TNFAIP8L2: variants seen among roughly 807,000 people sequenced by gnomAD.
TNFAIP8L2 encodes the protein tumor necrosis factor alpha-induced protein 8-like protein 2.
Under a neutral mutation model 5.6 loss-of-function variants are expected in TNFAIP8L2, and 2 were observed. The ratio of observed to expected loss-of-function variants is 0.36; its 90% CI spans 0.15 to 1.13. TNFAIP8L2 has a LOEUF of 1.13. Among genes scored for constraint, TNFAIP8L2 ranks in the 50% most tolerant of loss-of-function variants. The pLI, the probability that TNFAIP8L2 is intolerant of heterozygous loss-of-function variation, is 0.40. For missense variants in TNFAIP8L2, 216 were observed against 241.8 expected, an observed-to-expected ratio of 0.89 and a Z score of 0.71; for synonymous variants, 91 against 101.1, an observed-to-expected ratio of 0.90 and a Z score of 0.60.
rs1683235251 is a variant in TNFAIP8L2, at chr1:151,156,741, C to T, written c.-33+19C>T. 1 of 152,256 alleles carries T rather than the reference C, an allele frequency of 6.6e-6. No homozygotes were observed. The highest frequency in any genetic ancestry group is 1.5e-5 in the Non-Finnish European group (1 of 68,068). 9.4% of individuals were successfully genotyped at this position (152,256 alleles called of 1,614,324 possible). A position where few individuals can be genotyped will look rare whatever the true frequency, so the allele number is the denominator to read the frequency against. On this transcript the variant is annotated intron_variant, in intron 1 of 1. Coordinates refer to ENST00000368910, the MANE Select transcript of TNFAIP8L2 (RefSeq NM_024575.5). ...ACAGCAGGTGAGGGACCGGCAGTGA[C>T]AGAATGGTAGACTTTAGGGGTAATG...
chr1:151,159,105 G>C lies in TNFAIP8L2; in HGVS notation c.408G>C (p.Thr136=). 6.2e-7 allele frequency: 1 copy of C among 1,614,078 alleles called. No individual in the cohort carries two copies. Among genetic ancestry groups the C allele is most frequent in the Non-Finnish European group, 8.5e-7 (1 of 1,180,046 alleles). The change falls in exon 2 of 2, where the codon ACG becomes ACC. Residue 136 remains threonine, a synonymous_variant. Transcript: ENST00000368910. ...TAGAGTTGGTGGAACACCACCTCAC[G>C]CCCAAGTCACATGGCCGCATCCGCC... The part of the protein sequence containing the change: ...VLLELVEHHL[T]PKSHGRIRHV...
Position 151,157,781 on chromosome 1 carries a change from A to T in TNFAIP8L2, c.-32-885A>T, listed in dbSNP as rs77703424. Among the ~76,000 whole-genome samples the T allele has an allele frequency of 1.5e-3, 235 of 152,352 alleles. 1 individual carries two copies. Among genetic ancestry groups the T allele is most frequent in the Admixed American group, 6.5e-3 (100 of 15,304 alleles). ...AAGATGACTGACGTAAAGCACTTGC[A>T]TATAGTAGGTTCTCAGTAAATGTTA... On this transcript the variant is annotated intron_variant, in intron 1 of 1. Transcript: ENST00000368910.
At position 151,159,049 on chromosome 1, in the gene TNFAIP8L2, G is replaced by A. The variant is rs1201824819; in HGVS notation, c.352G>A (p.Gly118Ser). Residue 118 changes from glycine (G) to serine (S), a missense_variant, in exon 2 of 2, where the codon GGC becomes AGC. Physicochemically the swap from Gly to Ser is moderately conservative, Grantham distance 56. Transcript: ENST00000368910. ...DFTFEAAVLA[G>S]LLTECRDVLL... is the part of the protein sequence containing the mutation. ...CACCTTCGAGGCTGCTGTTCTGGCT[G>A]GCCTGCTGACCGAGTGCCGGGATGT... The A allele has an allele frequency of 1.2e-6, 2 of 1,614,218 alleles. No individual in the cohort carries two copies. The highest frequency in any genetic ancestry group is 1.3e-5 in the African/African-American group (1 of 75,082).
Position 151,159,713 on chromosome 1 carries a change from G to A in TNFAIP8L2, c.*461G>A, listed in dbSNP as rs1019046665. 2 of 182,696 alleles carry A rather than the reference G, an allele frequency of 1.1e-5. No individual in the cohort carries two copies. The highest frequency in any genetic ancestry group is 5.4e-5 in the Admixed American group (1 of 18,352). The allele number at this position is 182,696 out of a possible 1,614,324, so 11.3% of individuals were successfully genotyped here. A position where few individuals can be genotyped will look rare whatever the true frequency, so the allele number is the denominator to read the frequency against. On this transcript the variant is annotated 3_prime_UTR_variant, in exon 2 of 2. Transcript: ENST00000368910. ...GCAGGAAGAAGGGGCTAGGGCAGGGGAGATTCTCATAGGGGAAATAAAACT... is the reference window on the plus strand; with the variant it reads ...GCAGGAAGAAGGGGCTAGGGCAGGGAAGATTCTCATAGGGGAAATAAAACT...
In TNFAIP8L2 at chr1:151,159,300, A is replaced by G; in HGVS notation, c.*48A>G. On this transcript the variant is annotated 3_prime_UTR_variant, in exon 2 of 2. Coordinates refer to ENST00000368910, the MANE Select transcript of TNFAIP8L2 (RefSeq NM_024575.5). Reference sequence around the variant, plus strand: ...CACCTTGACAAAATGGTTGACTGAGAAAACACAGATAATGGGCTTCCTAAC... The same window carrying G: ...CACCTTGACAAAATGGTTGACTGAGGAAACACAGATAATGGGCTTCCTAAC... 1.3e-6 allele frequency: 2 copies of G among 1,555,256 alleles called. No homozygotes were observed. Among genetic ancestry groups the G allele is most frequent in the Non-Finnish European group, 8.7e-7 (1 of 1,143,902 alleles).
rs367965730 is a variant in TNFAIP8L2, at chr1:151,159,168, G to A, written c.471G>A (p.Thr157=). Residue 157 remains threonine (T), a synonymous_variant, in exon 2 of 2, where the codon ACG becomes ACA. Coordinates refer to ENST00000368910, the MANE Select transcript of TNFAIP8L2 (RefSeq NM_024575.5). ...ACTTCTCTGACCCAGGTCTGCTCAC[G>A]GCCCTCTATGGGCCTGACTTCACTC... ...FDHFSDPGLL[T]ALYGPDFTQH... 1.6e-5 allele frequency: 26 copies of A among 1,614,176 alleles called. No individual in the cohort carries two copies. The highest frequency in any genetic ancestry group is 1.3e-4 in the African/African-American group (10 of 75,058).
chr1:151,157,933 A>G (rs1683279849), intron 1 of TNFAIP8L2, among the ~76,000 whole-genome samples: 1 of 152,156 alleles, frequency 6.6e-6, no homozygotes, highest in African/African-American at 2.4e-5. Context: ...TAAATTACTT[A>G]ATGTAAGTAT....
At chr1:151,158,131 T>C (rs1683290957) in intron 1 of TNFAIP8L2, among the ~76,000 whole-genome samples, 1 of 152,034 alleles carries the variant, frequency 6.6e-6, no homozygotes, top group Admixed American at 6.6e-5. Flanking sequence ...GAGACCAGTC[T>C]GGCCAACATG....
At chr1:151,157,539 G>T (rs1290230293) in intron 1 of TNFAIP8L2, among the ~76,000 whole-genome samples, 1 of 152,196 alleles carries the variant, frequency 6.6e-6, no homozygotes. Flanking sequence ...AGGACTGCCT[G>T]CCCTTCTTGA....
In TNFAIP8L2 at chr1:151,158,875, A is replaced by G; in HGVS notation, c.178A>G (p.Ile60Val). The stretch of plus-strand genomic sequence containing the variant: ...CAGCCGGCCCCAGGCCCAGCGCGTG[A>G]TCAAGGACCTGATCAAAGTGGCCAT... The part of the protein sequence containing the change: ...THSRPQAQRV[I>V]KDLIKVAIKV... Residue 60 changes from isoleucine (I) to valine (V), a missense_variant, in exon 2 of 2, where the codon ATC (isoleucine) becomes GTC (valine). Coordinates refer to ENST00000368910, the MANE Select transcript of TNFAIP8L2 (RefSeq NM_024575.5). 1 of 1,614,224 alleles carries G rather than the reference A, an allele frequency of 6.2e-7. No individual in the cohort carries two copies. Among genetic ancestry groups the G allele is most frequent in the East Asian group, 2.2e-5 (1 of 44,876 alleles).
Position 151,158,853 on chromosome 1 carries a change from C to T in TNFAIP8L2, c.156C>T (p.Ser52=), listed in dbSNP as rs1053544791. 8 of 1,614,164 alleles carry T rather than the reference C, an allele frequency of 5.0e-6. No homozygotes were observed. Among genetic ancestry groups the T allele is most frequent in the Non-Finnish European group, 6.8e-6 (8 of 1,180,038 alleles). The part of the protein sequence containing the change: ...LYRVSKEYTH[S]RPQAQRVIKD... ...GTGTGTCCAAGGAGTACACGCACAGCCGGCCCCAGGCCCAGCGCGTGATCA... is the reference window on the plus strand; with the variant it reads ...GTGTGTCCAAGGAGTACACGCACAGTCGGCCCCAGGCCCAGCGCGTGATCA... The change falls in exon 2 of 2, where the codon AGC becomes AGT. Residue 52 remains serine (S), a synonymous_variant. Transcript: ENST00000368910.
chr1:151,157,262 A>G (rs1328629510), intron 1 of TNFAIP8L2, among the ~76,000 whole-genome samples: 2 of 152,178 alleles, frequency 1.3e-5, no homozygotes, highest in African/African-American at 4.8e-5. Context: ...TCAGGTTTCC[A>G]CTGGAAGGAT....
At position 151,159,081 on chromosome 1, in the gene TNFAIP8L2, A is replaced by G. The variant is rs1316271557; in HGVS notation, c.384A>G (p.Leu128=). 5 of 1,614,060 alleles carry G rather than the reference A, an allele frequency of 3.1e-6. No individual in the cohort carries two copies. The South Asian group carries it at 3.3e-5, about 11-fold the overall frequency. ...GLLTECRDVL[L]ELVEHHLTPK... is the part of the protein sequence containing the mutation. The stretch of plus-strand genomic sequence containing the variant: ...TGACCGAGTGCCGGGATGTGCTGCT[A>G]GAGTTGGTGGAACACCACCTCACGC... The change falls in exon 2 of 2, where the codon CTA becomes CTG. Residue 128 remains leucine (L), a synonymous_variant. Coordinates refer to ENST00000368910, the MANE Select transcript of TNFAIP8L2 (RefSeq NM_024575.5).
rs370411904 is a variant in TNFAIP8L2 at position 151,158,859 on chromosome 1, C to G, written c.162C>G (p.Pro54=). The part of the protein sequence containing the change: ...RVSKEYTHSR[P]QAQRVIKDLI... The stretch of plus-strand genomic sequence containing the variant: ...CCAAGGAGTACACGCACAGCCGGCC[C>G]CAGGCCCAGCGCGTGATCAAGGACC... Residue 54 remains proline, a synonymous_variant, in exon 2 of 2, where the codon CCC becomes CCG. Transcript: ENST00000368910. 2 of 1,614,234 alleles carry G rather than the reference C, an allele frequency of 1.2e-6. No homozygotes were observed. Among genetic ancestry groups the G allele is most frequent in the Non-Finnish European group, 1.7e-6 (2 of 1,180,044 alleles).
In TNFAIP8L2 at chr1:151,158,807, A is replaced by C. The variant is rs201575101; in HGVS notation, c.110A>C (p.Glu37Ala). 1.9e-6 allele frequency: 3 copies of C among 1,614,110 alleles called. No homozygotes were observed. The East Asian group carries it at 6.7e-5, about 36-fold the overall frequency. The change falls in exon 2 of 2, where the codon GAG becomes GCG. Residue 37 changes from glutamate (E) to alanine (A), a missense_variant. Transcript: ENST00000368910. ...AHLFIDETSS[E>A]VLDELYRVSK... The stretch of plus-strand genomic sequence containing the variant: ...CTCTTCATAGATGAGACAAGCAGTG[A>C]GGTGCTAGATGAGCTCTACCGTGTG...
In TNFAIP8L2 at chr1:151,159,411, C is replaced by A. The variant is rs1429918875; in HGVS notation, c.*159C>A. 3 of 743,570 alleles carry A rather than the reference C, an allele frequency of 4.0e-6. No homozygotes were observed. The highest frequency in any genetic ancestry group is 3.8e-4 in the Middle Eastern group (1 of 2,632). The allele number at this position is 743,570 out of a possible 1,614,324, so 46.1% of individuals were successfully genotyped here. A position where few individuals can be genotyped will look rare whatever the true frequency, so the allele number is the denominator to read the frequency against. Reference sequence around the variant, plus strand: ...TTTGACTCTGAGACCAGCCCACCCCCAAACAGCTAGTGGAGAAGGAGCAAT... The same window carrying A: ...TTTGACTCTGAGACCAGCCCACCCCAAAACAGCTAGTGGAGAAGGAGCAAT... On this transcript the variant is annotated 3_prime_UTR_variant, in exon 2 of 2. Transcript: ENST00000368910.
At position 151,159,317 on chromosome 1, in the gene TNFAIP8L2, C is replaced by A; in HGVS notation, c.*65C>A. Reference sequence around the variant, plus strand: ...TGACTGAGAAAACACAGATAATGGGCTTCCTAACCCTGCTCACCTGGCACT... The same window carrying A: ...TGACTGAGAAAACACAGATAATGGGATTCCTAACCCTGCTCACCTGGCACT... On this transcript the variant is annotated 3_prime_UTR_variant, in exon 2 of 2. Coordinates refer to ENST00000368910, the MANE Select transcript of TNFAIP8L2 (RefSeq NM_024575.5). The A allele has an allele frequency of 6.8e-7, 1 of 1,466,604 alleles. No individual in the cohort carries two copies. Among genetic ancestry groups the A allele is most frequent in the Non-Finnish European group, 9.3e-7 (1 of 1,080,198 alleles). 90.8% of individuals were successfully genotyped at this position (1,466,604 alleles called of 1,614,324 possible).
rs777645932 is a variant in TNFAIP8L2 at position 151,159,460 on chromosome 1, C to T, written c.*208C>T. On this transcript the variant is annotated 3_prime_UTR_variant, in exon 2 of 2. Coordinates refer to ENST00000368910, the MANE Select transcript of TNFAIP8L2 (RefSeq NM_024575.5). ...ATGCTGAGGGGTGAGGCCTCTCTCC[C>T]ACTCCAGCCCCAGGACAGGAAACAG... is the stretch of plus-strand genomic sequence containing the variant. 1.4e-5 allele frequency: 8 copies of T among 559,908 alleles called. No individual in the cohort carries two copies. Among genetic ancestry groups the T allele is most frequent in the Non-Finnish European group, 2.0e-5 (6 of 305,928 alleles). The allele number at this position is 559,908 out of a possible 1,614,324, so 34.7% of individuals were successfully genotyped here.
intron 1 of TNFAIP8L2, among the ~76,000 whole-genome samples, chr1:151,157,550 G>A (rs1336414357): frequency 6.6e-6 from 1 of 152,184 alleles, no homozygotes; most frequent in Non-Finnish European, 1.5e-5. Flanking sequence ...CCCTTCTTGA[G>A]GTGTTGGCTT....
Sources: gnomAD v4.1 joint callset for allele counts (sites outside exome capture counted in the v4.1 genomes callset) on GRCh38, gnomAD v4.1.1 for gene constraint, MANE v1.5 for transcripts, NCBI Gene and HGNC (gene_info 2026-07-23, HGNC 2026-07-21) for gene names.